Variants in DLG2 observed in about 807,000 individuals in gnomAD.
The protein encoded by DLG2 is discs large MAGUK scaffold protein 2, also known as disks large homolog 2.
In DLG2, 45 loss-of-function variants were observed where a neutral mutation model predicts 132.5. The observed-to-expected ratio is 0.34, with a 90% CI of 0.27 to 0.44. DLG2 has a LOEUF of 0.44. Among genes scored for constraint, DLG2 ranks in the 20% least tolerant of loss-of-function variants. The pLI, the probability that DLG2 is intolerant of heterozygous loss-of-function variation, is 1.00. For synonymous variants in DLG2, 424 were observed against 419.6 expected (o/e 1.01, Z -0.13); for missense variants, 1,045 against 1,196.9 (o/e 0.87, Z 1.87).
intron 15 of DLG2, among the ~76,000 whole-genome samples, chr11:83,910,041 A>G (rs1402006086): frequency 6.6e-6 from 1 of 152,176 alleles, no homozygotes; most frequent in African/African-American, 2.4e-5. Context: ...GGAGAATTTT[A>G]TCTGAGTCTT....
chr11:84,550,464 C>G (rs1438327190), intron 6 of DLG2, among the ~76,000 whole-genome samples: 2 of 152,198 alleles, frequency 1.3e-5, no homozygotes, highest in African/African-American at 2.4e-5. Flanking sequence ...GTCTCAGACA[C>G]AGGTGCTGAA....
intron 7 of DLG2, among the ~76,000 whole-genome samples, chr11:84,516,922 A>C (rs1166948837): frequency 6.6e-6 from 1 of 150,546 alleles, no homozygotes; most frequent in Non-Finnish European, 1.5e-5. Flanking sequence ...TCATGACTTA[A>C]AACTATGAAA....
chr11:85,444,345 T>TA (rs1004896831), intron 3 of DLG2, among the ~76,000 whole-genome samples: 55 of 149,354 alleles, frequency 3.7e-4, no homozygotes, highest in Admixed American at 5.4e-4. Flanking sequence ...TATAGCTGAG[T>TA]AAAAAAAAAA....
At chr11:84,393,335 G>C (rs546504174) in intron 7 of DLG2, among the ~76,000 whole-genome samples, 1 of 152,120 alleles carries the variant, frequency 6.6e-6, no homozygotes, top group Non-Finnish European at 1.5e-5. Flanking sequence ...ATATAGAAGA[G>C]TATATAAAAT....
chr11:83,977,066 C>T (rs1488587149), intron 12 of DLG2, among the ~76,000 whole-genome samples: 3 of 151,852 alleles, frequency 2.0e-5, no homozygotes, highest in Non-Finnish European at 2.9e-5. Flanking sequence ...TTAGTAATAA[C>T]CAAAAGGTTG....
At chr11:84,243,398 T>C in intron 8 of DLG2, among the ~76,000 whole-genome samples, 1 of 89,348 alleles carries the variant, frequency 1.1e-5, no homozygotes, top group South Asian at 3.1e-4. Context: ...ATTTGTTGAA[T>C]AAATAGAGCT....
rs867990895 is a variant in DLG2, at chr11:83,583,655, G to C, written c.1941-41797C>G. On this transcript the variant is annotated intron_variant, in intron 19 of 27. Coordinates refer to ENST00000376104, the MANE Select transcript of DLG2 (RefSeq NM_001142699.3). ...TCAACTGATACAGTTTTACCATAGGGATTTCAAAGACAAGCCTCAGTTCTT... is the reference window on the plus strand; with the variant it reads ...TCAACTGATACAGTTTTACCATAGGCATTTCAAAGACAAGCCTCAGTTCTT... Among the ~76,000 whole-genome samples the C allele has an allele frequency of 2.0e-5, 3 of 152,278 alleles. No homozygotes were observed. The East Asian group carries it at 5.8e-4, about 29-fold the overall frequency.
chr11:83,849,128 T>C (rs562777385), intron 16 of DLG2, among the ~76,000 whole-genome samples: 2 of 152,268 alleles, frequency 1.3e-5, no homozygotes, highest in East Asian at 3.9e-4. Flanking sequence ...AACTGAGATT[T>C]GCCATTTATT....
rs191579027 is a variant in DLG2 at position 84,784,220 on chromosome 11, G to A, written c.358-249489C>T. Among the ~76,000 whole-genome samples, 3 of 146,378 alleles carry A rather than the reference G, an allele frequency of 2.0e-5. No homozygotes were observed. The East Asian group carries it at 6.0e-4, about 29-fold the overall frequency. On this transcript the variant is annotated intron_variant, in intron 6 of 27. Transcript: ENST00000376104. The stretch of plus-strand genomic sequence containing the variant: ...CACCTGTAATCCCAGCTACTCAGGA[G>A]GCTGAGGCATAATTGCTTGATCCCG...
chr11:85,347,722 G>A (rs1596408341), intron 3 of DLG2, among the ~76,000 whole-genome samples: 1 of 151,658 alleles, frequency 6.6e-6, no homozygotes, highest in African/African-American at 2.4e-5. Context: ...AGGGCAAAGG[G>A]GAAGTTTTCC....
At chr11:84,814,892 T>C (rs1811016532) in intron 6 of DLG2, among the ~76,000 whole-genome samples, 2 of 152,168 alleles carry the variant, frequency 1.3e-5, no homozygotes, top group Admixed American at 6.5e-5. Flanking sequence ...GTCTGCTTTA[T>C]TTTTTGAAGA....
chr11:83,599,448 C>T (rs1322278381), intron 19 of DLG2, among the ~76,000 whole-genome samples: 1 of 152,190 alleles, frequency 6.6e-6, no homozygotes, highest in African/African-American at 2.4e-5. Flanking sequence ...TCGCCTCCCT[C>T]CCTATCATTG....
At chr11:85,338,349 C>G (rs1272995530) in intron 3 of DLG2, among the ~76,000 whole-genome samples, 2 of 152,100 alleles carry the variant, frequency 1.3e-5, no homozygotes, top group South Asian at 4.1e-4. Context: ...CATTTATGTA[C>G]AAATCACTTT....
rs565143534 is a variant in DLG2 at position 85,349,677 on chromosome 11, T to C, written c.41-64312A>G. Among the ~76,000 whole-genome samples the C allele has an allele frequency of 4.6e-5, 7 of 152,204 alleles. No individual in the cohort carries two copies. The East Asian group carries it at 1.4e-3, about 29-fold the overall frequency. On this transcript the variant is annotated intron_variant, in intron 3 of 27. Coordinates refer to ENST00000376104, the MANE Select transcript of DLG2 (RefSeq NM_001142699.3). The stretch of plus-strand genomic sequence containing the variant: ...ACATGCAGTGTTTGGTTTTCTGTCA[T>C]TGTGATAGTTTGCTGGGAATGATGG...
intron 6 of DLG2, among the ~76,000 whole-genome samples, chr11:84,825,516 T>C (rs1487701109): frequency 6.6e-6 from 1 of 151,924 alleles, no homozygotes; most frequent in Admixed American, 6.6e-5. Flanking sequence ...AGGAATGCCG[T>C]AAGCTGTGAT....
intron 6 of DLG2, among the ~76,000 whole-genome samples, chr11:84,785,254 T>A (rs908264490): frequency 6.6e-6 from 1 of 151,486 alleles, no homozygotes; most frequent in Non-Finnish European, 1.5e-5. Flanking sequence ...TTTTTTTAAA[T>A]AAAAAAAAAT....
At chr11:85,275,472 A>C (rs921376967) in intron 4 of DLG2, among the ~76,000 whole-genome samples, 5 of 152,148 alleles carry the variant, frequency 3.3e-5, no homozygotes, top group African/African-American at 1.2e-4. Context: ...ATAATAATGA[A>C]ATTCTAACTG....
At chr11:84,608,266 A>G (rs1177865979) in intron 6 of DLG2, among the ~76,000 whole-genome samples, 1 of 152,124 alleles carries the variant, frequency 6.6e-6, no homozygotes. Flanking sequence ...TTATAACACA[A>G]AAGACAAAAA....
At chr11:83,791,763 C>A (rs1223475059) in intron 17 of DLG2, among the ~76,000 whole-genome samples, 1 of 152,134 alleles carries the variant, frequency 6.6e-6, no homozygotes, top group African/African-American at 2.4e-5. Context: ...GGGAAGAGCC[C>A]GTCTCCGAAG....
Sources: gnomAD v4.1 joint callset for allele counts (sites outside exome capture counted in the v4.1 genomes callset) on GRCh38, gnomAD v4.1.1 for gene constraint, MANE v1.5 for transcripts, NCBI Gene and HGNC (gene_info 2026-07-23, HGNC 2026-07-21) for gene names.